Variants in FAM13A observed in about 807,000 individuals in gnomAD.
FAM13A encodes protein FAM13A.
A neutral mutation model predicts 129.6 loss-of-function variants in FAM13A; 76 were observed. The observed-to-expected ratio is 0.59, with a 90% CI of 0.49 to 0.71. The LOEUF is 0.71. Ranked by LOEUF, FAM13A falls within the 30% of genes least tolerant of loss-of-function variation. FAM13A has a pLI of 0.00. For synonymous variants in FAM13A, 443 were observed against 449.9 expected, an observed-to-expected ratio of 0.98 and a Z score of 0.20; for missense variants, 1,108 against 1,249.3, an observed-to-expected ratio of 0.89 and a Z score of 1.70.
intron 11 of FAM13A, among the ~76,000 whole-genome samples, chr4:88,772,417 A>G (rs966390723): frequency 6.6e-6 from 1 of 152,166 alleles, no homozygotes; most frequent in Admixed American, 6.5e-5. Flanking sequence ...CACTTTTTCC[A>G]CCGTAATAAA....
intron 8 of FAM13A, among the ~76,000 whole-genome samples, chr4:88,800,748 G>C (rs1044650845): frequency 1.3e-5 from 2 of 148,408 alleles, no homozygotes; most frequent in African/African-American, 4.9e-5. Flanking sequence ...ATAATAAAAA[G>C]GAAAACAAAT....
chr4:88,988,669 T>C (rs987111990), intron 4 of FAM13A, among the ~76,000 whole-genome samples: 8 of 151,930 alleles, frequency 5.3e-5, no homozygotes, highest in African/African-American at 1.7e-4. Flanking sequence ...AAAAAACCAG[T>C]TAAGTTCTAG....
At chr4:88,967,680 G>A (rs556928512) in intron 4 of FAM13A, among the ~76,000 whole-genome samples, 1 of 152,314 alleles carries the variant, frequency 6.6e-6, no homozygotes, top group East Asian at 1.9e-4. Context: ...CCCGGCAAGA[G>A]CAATGGGTAG....
At chr4:88,777,174 C>A (rs58589124) in intron 11 of FAM13A, among the ~76,000 whole-genome samples, 1 of 152,002 alleles carries the variant, frequency 6.6e-6, no homozygotes, top group African/African-American at 2.4e-5. Flanking sequence ...AGGAAGTGTG[C>A]ATGTGTAAGT....
intron 11 of FAM13A, among the ~76,000 whole-genome samples, chr4:88,775,809 C>T (rs372307106): frequency 5.3e-5 from 8 of 152,126 alleles, no homozygotes; most frequent in East Asian, 1.9e-4. Context: ...GGAGCAGAAA[C>T]GTATTTACTG....
chr4:88,854,024 G>GT (rs1738073797), intron 6 of FAM13A, among the ~76,000 whole-genome samples: 1 of 152,138 alleles, frequency 6.6e-6, no homozygotes, highest in Non-Finnish European at 1.5e-5. Context: ...TACTTTTGAG[G>GT]TTTTGGGACT....
At chr4:88,878,944 A>G (rs1186573498) in intron 6 of FAM13A, among the ~76,000 whole-genome samples, 1 of 152,234 alleles carries the variant, frequency 6.6e-6, no homozygotes, top group African/African-American at 2.4e-5. Context: ...ATATCCTACT[A>G]AAGTCTATTT....
chr4:88,776,698 A>G (rs12641753), intron 11 of FAM13A, among the ~76,000 whole-genome samples: 12,947 of 152,034 alleles, frequency 0.085, 975 homozygotes, highest in East Asian at 0.32. Flanking sequence ...CTAGTGGCCG[A>G]GTGTGGTGGC....
intron 5 of FAM13A, among the ~76,000 whole-genome samples, chr4:88,910,894 C>T (rs986076553): frequency 1.1e-4 from 16 of 152,254 alleles, no homozygotes; most frequent in African/African-American, 3.6e-4. Context: ...GTGATCTGCC[C>T]GCCTCAGCCT....
chr4:88,969,473 T>G (rs187951487), intron 4 of FAM13A, among the ~76,000 whole-genome samples: 5 of 152,222 alleles, frequency 3.3e-5, no homozygotes, highest in Non-Finnish European at 5.9e-5. Flanking sequence ...CAGGTTCAGG[T>G]AGAAGGTCAG....
chr4:88,971,394 C>T (rs1173110865), intron 4 of FAM13A, among the ~76,000 whole-genome samples: 2 of 152,126 alleles, frequency 1.3e-5, no homozygotes, highest in African/African-American at 4.8e-5. Context: ...TCTTCATAGA[C>T]TTTTAGGTAT....
At chr4:89,025,447 G>A (rs1767848727) in intron 2 of FAM13A, among the ~76,000 whole-genome samples, 1 of 150,642 alleles carries the variant, frequency 6.6e-6, no homozygotes, top group African/African-American at 2.4e-5. Context: ...TGTATTTTTA[G>A]TAGAGACGGG....
At chr4:88,967,102 G>A (rs1759455129) in intron 4 of FAM13A, among the ~76,000 whole-genome samples, 1 of 152,108 alleles carries the variant, frequency 6.6e-6, no homozygotes, top group Non-Finnish European at 1.5e-5. Context: ...AACTTCTAGG[G>A]TTGTTATTAG....
At chr4:88,817,535 C>T (rs1730998912) in intron 7 of FAM13A, among the ~76,000 whole-genome samples, 2 of 151,742 alleles carry the variant, frequency 1.3e-5, no homozygotes, top group South Asian at 4.2e-4. Context: ...TGCACTCCAG[C>T]CTAGGGGACA....
chr4:88,787,344 T>C lies in FAM13A; in HGVS notation c.1271+409A>G, dbSNP rs148995809. On this transcript the variant is annotated intron_variant, in intron 10 of 23. Coordinates refer to ENST00000264344, the MANE Select transcript of FAM13A (RefSeq NM_014883.4). ...ATCTGACTATTTAATCACATAAATA[T>C]AATGGAGAAATCAGCTGCTCCATAA... Among the ~76,000 whole-genome samples the C allele has an allele frequency of 3.0e-4, 45 of 152,266 alleles. 1 individual carries two copies. The East Asian group carries it at 6.9e-3, about 24-fold the overall frequency.
chr4:88,967,504 T>C (rs894971709), intron 4 of FAM13A, among the ~76,000 whole-genome samples: 6 of 152,214 alleles, frequency 3.9e-5, no homozygotes, highest in Non-Finnish European at 5.9e-5. Flanking sequence ...ATGTGGAACA[T>C]TTTAACTCTT....
At chr4:88,849,383 C>G (rs1403760981) in intron 7 of FAM13A, among the ~76,000 whole-genome samples, 1 of 152,166 alleles carries the variant, frequency 6.6e-6, no homozygotes, top group African/African-American at 2.4e-5. Flanking sequence ...ACCTCCCCTA[C>G]CCAGCTCAAA....
chr4:88,778,768 T>C (rs1345204854), intron 11 of FAM13A, among the ~76,000 whole-genome samples: 1 of 152,180 alleles, frequency 6.6e-6, no homozygotes, highest in Non-Finnish European at 1.5e-5. Context: ...CTTACAATGA[T>C]CTATAAAGAC....
chr4:89,011,765 C>T (rs1286768403), intron 3 of FAM13A, among the ~76,000 whole-genome samples: 1 of 152,128 alleles, frequency 6.6e-6, no homozygotes, highest in East Asian at 1.9e-4. Flanking sequence ...AATGTTGTCT[C>T]CAATCTTATT....
Sources: allele counts gnomAD v4.1 joint callset (sites outside exome capture counted in the v4.1 genomes callset), GRCh38; gene constraint gnomAD v4.1.1; transcripts MANE v1.5; gene names NCBI Gene and HGNC (gene_info 2026-07-23, HGNC 2026-07-21).